SLCO5A1: variants seen among roughly 807,000 people sequenced by gnomAD.
SLCO5A1 encodes organic anion transporter polypeptide-related protein 4.
Under a neutral mutation model 65.1 loss-of-function variants are expected in SLCO5A1, and 39 were observed. The observed-to-expected ratio is 0.60, with a 90% CI of 0.46 to 0.78. The LOEUF is 0.78. Ranked by LOEUF, SLCO5A1 falls within the 30% of genes least tolerant of loss-of-function variation. The probability of loss-of-function intolerance (pLI) is 0.00; values close to 1 mark genes in which losing one functional copy is unlikely to be tolerated. For missense variants in SLCO5A1, 1,029 were observed against 1,069.4 expected, an observed-to-expected ratio of 0.96 and a Z score of 0.53; for synonymous variants, 438 against 415.7, an observed-to-expected ratio of 1.05 and a Z score of -0.65.
chr8:69,774,983 T>G (rs1586786080), intron 2 of SLCO5A1, among the ~76,000 whole-genome samples: 1 of 152,238 alleles, frequency 6.6e-6, no homozygotes, highest in African/African-American at 2.4e-5. Flanking sequence ...CACAGGCAGA[T>G]AAGAGGCCTT....
chr8:69,683,522 G>T (rs1389181890), intron 6 of SLCO5A1, among the ~76,000 whole-genome samples: 1 of 151,664 alleles, frequency 6.6e-6, no homozygotes, highest in Non-Finnish European at 1.5e-5. Context: ...CACTCAATAG[G>T]TAATTTCTCG....
At chr8:69,779,579 C>T (rs2130881392) in intron 2 of SLCO5A1, among the ~76,000 whole-genome samples, 1 of 152,258 alleles carries the variant, frequency 6.6e-6, no homozygotes, top group South Asian at 2.1e-4. Context: ...AGGTACTTCA[C>T]ATTACTTGTG....
At chr8:69,698,077 T>A (rs1814575331) in intron 6 of SLCO5A1, among the ~76,000 whole-genome samples, 1 of 152,120 alleles carries the variant, frequency 6.6e-6, no homozygotes, top group Non-Finnish European at 1.5e-5. Flanking sequence ...GTGTACTCAG[T>A]GTTTAGCTTG....
chr8:69,755,198 AT>A (rs1189630448), intron 4 of SLCO5A1, among the ~76,000 whole-genome samples: 2 of 152,192 alleles, frequency 1.3e-5, no homozygotes, highest in African/African-American at 2.4e-5. Flanking sequence ...TTAAAAATTA[AT>A]TTTTAAATAA....
chr8:69,688,865 G>A (rs1460809802), intron 6 of SLCO5A1, among the ~76,000 whole-genome samples: 6 of 152,224 alleles, frequency 3.9e-5, no homozygotes. Context: ...TAATGGGATG[G>A]CTGGGTCTAA....
At chr8:69,789,953 G>A (rs1819199144) in intron 2 of SLCO5A1, among the ~76,000 whole-genome samples, 1 of 152,136 alleles carries the variant, frequency 6.6e-6, no homozygotes, top group Non-Finnish European at 1.5e-5. Context: ...AGCACTTTGG[G>A]AGGCTGAGGC....
At chr8:69,690,911 T>C (rs1814232792) in intron 6 of SLCO5A1, among the ~76,000 whole-genome samples, 1 of 152,170 alleles carries the variant, frequency 6.6e-6, no homozygotes, top group Non-Finnish European at 1.5e-5. Flanking sequence ...AATTGATAAA[T>C]GAAAGATAGT....
intron 4 of SLCO5A1, among the ~76,000 whole-genome samples, chr8:69,745,299 G>A (rs942961956): frequency 4.6e-5 from 7 of 151,316 alleles, no homozygotes; most frequent in Non-Finnish European, 1.0e-4. Context: ...TGTGTTGTTT[G>A]TGTGTTTGTT....
At position 69,832,447 on chromosome 8, in the gene SLCO5A1, G is replaced by A. The variant is rs760577997; in HGVS notation, c.227C>T (p.Pro76Leu). 22 of 1,613,014 alleles carry A rather than the reference G, an allele frequency of 1.4e-5. No individual in the cohort carries two copies. Among genetic ancestry groups the A allele is most frequent in the Non-Finnish European group, 1.7e-5 (20 of 1,179,600 alleles). Reference protein sequence around the residue: ...SSGHQELKQGPNPLAPSPSAP... With the variant: ...SSGHQELKQGLNPLAPSPSAP... Reference sequence around the variant, plus strand: ...AGAGGGACTGGGGGCCAACGGGTTCGGGCCTTGCTTCAACTCCTGGTGGCC... The same window carrying A: ...AGAGGGACTGGGGGCCAACGGGTTCAGGCCTTGCTTCAACTCCTGGTGGCC... Residue 76 changes from proline (P) to leucine (L), a missense_variant, in exon 2 of 10, where the codon CCG becomes CTG. Around this residue, in one of 3 missense-constraint regions of SLCO5A1, gnomAD observed 647 missense variants for 647.5 expected, o/e 1.00. Coordinates refer to ENST00000260126, the MANE Select transcript of SLCO5A1 (RefSeq NM_030958.3). This position sits in a 1 kb window ranked among gnomAD's most constrained non-coding sequence, Gnocchi z 4.5.
intron 2 of SLCO5A1, among the ~76,000 whole-genome samples, chr8:69,780,370 C>G (rs535825352): frequency 6.6e-6 from 1 of 152,312 alleles, no homozygotes; most frequent in South Asian, 2.1e-4. Flanking sequence ...TATCATTGCA[C>G]TATTCACAAT....
chr8:69,759,188 T>C (rs1293506747), intron 3 of SLCO5A1, among the ~76,000 whole-genome samples: 2 of 152,226 alleles, frequency 1.3e-5, no homozygotes, highest in Non-Finnish European at 2.9e-5. Flanking sequence ...AACTTATCAC[T>C]GCTGCTAGAC....
At chr8:69,789,012 A>G (rs1280466079) in intron 2 of SLCO5A1, among the ~76,000 whole-genome samples, 2 of 152,204 alleles carry the variant, frequency 1.3e-5, no homozygotes, top group Non-Finnish European at 2.9e-5. Context: ...TCTAAATACT[A>G]TCTGTCTCTG....
At chr8:69,748,690 C>G (rs1174100251) in intron 4 of SLCO5A1, among the ~76,000 whole-genome samples, 1 of 152,204 alleles carries the variant, frequency 6.6e-6, no homozygotes, top group Non-Finnish European at 1.5e-5. Context: ...TACTTTCTTC[C>G]TGGAAAACAA....
In SLCO5A1 at chr8:69,818,781, A is replaced by G. The variant is rs1820511087; in HGVS notation, c.907+12986T>C. On this transcript the variant is annotated intron_variant, in intron 2 of 9. Transcript: ENST00000260126. The stretch of plus-strand genomic sequence containing the variant: ...CAAAATTCAATCATTACTGTTGTAC[A>G]GAAGACATATCTGTGGCACAAATTA... Among the ~76,000 whole-genome samples, 3 of 152,192 alleles carry G rather than the reference A, an allele frequency of 2.0e-5. 1 individual carries two copies. The South Asian group carries it at 6.2e-4, about 32-fold the overall frequency.
rs142067738 is a variant in SLCO5A1, at chr8:69,778,964, T to G, written c.908-17089A>C. On this transcript the variant is annotated intron_variant, in intron 2 of 9. Coordinates refer to ENST00000260126, the MANE Select transcript of SLCO5A1 (RefSeq NM_030958.3). ...TATAACAATTCAAGGGTTAACAAAC[T>G]ACCAGCAGATCTGGTAAATACAGTT... Among the ~76,000 whole-genome samples, 1,118 of 152,304 alleles carry G rather than the reference T, an allele frequency of 7.3e-3. 14 individuals carry two copies. Among genetic ancestry groups the G allele is most frequent in the African/African-American group, 0.026 (1,071 of 41,574 alleles).
intron 4 of SLCO5A1, among the ~76,000 whole-genome samples, chr8:69,742,463 G>T (rs1486241955): frequency 3.3e-5 from 5 of 152,084 alleles, no homozygotes; most frequent in Non-Finnish European, 5.9e-5. Context: ...ATTCAGGCTG[G>T]CACTAAAACC....
intron 6 of SLCO5A1, among the ~76,000 whole-genome samples, chr8:69,697,636 C>T (rs1814553653): frequency 6.6e-6 from 1 of 151,944 alleles, no homozygotes; most frequent in South Asian, 2.1e-4. Context: ...AAGAAGGCTC[C>T]ATCCATGACA....
At chr8:69,733,612 G>T (rs1816430150) in intron 5 of SLCO5A1, among the ~76,000 whole-genome samples, 1 of 152,216 alleles carries the variant, frequency 6.6e-6, no homozygotes, top group South Asian at 2.1e-4. Flanking sequence ...TGCCAGGTGG[G>T]AGGTGATGTG....
intron 5 of SLCO5A1, among the ~76,000 whole-genome samples, chr8:69,721,263 C>T (rs1474098633): frequency 6.6e-6 from 1 of 152,152 alleles, no homozygotes; most frequent in Non-Finnish European, 1.5e-5. Flanking sequence ...GTCCCTATAC[C>T]AGCCCTGAGT....
Sources: allele counts gnomAD v4.1 joint callset (sites outside exome capture counted in the v4.1 genomes callset), GRCh38; gene constraint gnomAD v4.1.1; regional missense constraint gnomAD v4.1.1; non-coding constraint Gnocchi (gnomAD v3.1); transcripts MANE v1.5; gene names NCBI Gene and HGNC (gene_info 2026-07-23, HGNC 2026-07-21).